The following NRP2 variants were observed in gnomAD, a reference collection of about 807,000 sequenced individuals.
The protein encoded by NRP2 is neuropilin-2.
Under a neutral mutation model 110.4 loss-of-function variants are expected in NRP2, and 52 were observed. The ratio of observed to expected loss-of-function variants is 0.47; its 90% CI spans 0.38 to 0.59. NRP2 has a LOEUF of 0.59. Ranked by LOEUF, NRP2 falls within the 20% of genes least tolerant of loss-of-function variation. The pLI is 0.00. For missense variants in NRP2, 1,049 were observed against 1,203.0 expected, an observed-to-expected ratio of 0.87 and a Z score of 1.89; for synonymous variants, 508 against 468.9, an observed-to-expected ratio of 1.08 and a Z score of -1.08.
chr2:205,777,696 A>G (rs955358019), intron 15 of NRP2: 3 of 152,178 alleles, frequency 2.0e-5, no homozygotes, highest in Admixed American at 2.0e-4. Flanking sequence ...ATATGGGGGG[A>G]AAAGGGATCA....
chr2:205,792,359 C>T (rs2058310630), intron 16 of NRP2, 74 bp downstream of exon 16: 2 of 1,083,878 alleles, frequency 1.8e-6, no homozygotes, highest in South Asian at 2.5e-5. Flanking sequence ...AAAAATAATG[C>T]TCTGGGTATC....
At position 205,740,633 on chromosome 2, in the gene NRP2, C is replaced by G; in HGVS notation, c.1261C>G (p.Arg421Gly). 6 of 1,614,214 alleles carry G rather than the reference C, an allele frequency of 3.7e-6. No individual in the cohort carries two copies. Among genetic ancestry groups the G allele is most frequent in the African/African-American group, 1.3e-5 (1 of 75,054 alleles). Residue 421 changes from arginine (R) to glycine (G), a missense_variant, in exon 8 of 17, where the codon CGG becomes GGG. By Grantham distance (125) the Arg-to-Gly change is moderately radical. Transcript: ENST00000357785. ...PQTWHSGIAL[R>G]LELFGCRVTD... ...GACCTGGCACTCAGGTATCGCCCTC[C>G]GGCTGGAGCTCTTCGGCTGCCGGGT...
intron 7 of NRP2, among the ~76,000 whole-genome samples, chr2:205,731,947 C>G (rs967321207): frequency 2.0e-5 from 3 of 152,202 alleles, no homozygotes. Flanking sequence ...AATTGAAGCT[C>G]TTAGAGATTA....
At chr2:205,773,201 T>C (rs1321047743) in intron 15 of NRP2, among the ~76,000 whole-genome samples, 1 of 152,184 alleles carries the variant, frequency 6.6e-6, no homozygotes, top group African/African-American at 2.4e-5. Flanking sequence ...ACCAGCACAC[T>C]CCACCTGCCT....
At chr2:205,770,685 C>T (rs1049634903) in intron 15 of NRP2, among the ~76,000 whole-genome samples, 1 of 152,218 alleles carries the variant, frequency 6.6e-6, no homozygotes, top group African/African-American at 2.4e-5. Flanking sequence ...ACATAACCGT[C>T]TGATGAAAGG....
chr2:205,739,617 T>A (rs2057404052), intron 7 of NRP2, among the ~76,000 whole-genome samples: 1 of 151,966 alleles, frequency 6.6e-6, no homozygotes, highest in African/African-American at 2.4e-5. Context: ...GTTGGTTAGT[T>A]GGTTTTTCCC....
At position 205,740,657 on chromosome 2, in the gene NRP2, G is replaced by A; in HGVS notation, c.1285G>A (p.Val429Ile). The A allele has an allele frequency of 1.2e-6, 2 of 1,614,138 alleles. No homozygotes were observed. Among genetic ancestry groups the A allele is most frequent in the Middle Eastern group, 1.7e-4 (1 of 6,022 alleles). Residue 429 changes from valine to isoleucine, a missense_variant, in exon 8 of 17, where the codon GTC becomes ATC. Physicochemically the swap from Val to Ile is conservative, Grantham distance 29. Transcript: ENST00000357785. ...ALRLELFGCR[V>I]TDAPCSNMLG... ...CCGGCTGGAGCTCTTCGGCTGCCGG[G>A]TCACAGGTGAGGTGGGGGCTCCAAT...
intron 1 of NRP2, among the ~76,000 whole-genome samples, chr2:205,695,998 T>C (rs982199442): frequency 4.6e-5 from 7 of 152,148 alleles, no homozygotes; most frequent in South Asian, 2.1e-4. Flanking sequence ...ATGTGCTGTG[T>C]ACCAGCCTGA....
At position 205,712,461 on chromosome 2, in the gene NRP2, G is replaced by A. The variant is rs75291492; in HGVS notation, c.252-3732G>A. Among the ~76,000 whole-genome samples the A allele has an allele frequency of 4.1e-3, 625 of 152,172 alleles. 4 individuals are homozygous for A. Among genetic ancestry groups the A allele is most frequent in the Non-Finnish European group, 7.0e-3 (479 of 68,004 alleles). On this transcript the variant is annotated intron_variant, in intron 2 of 16. Transcript: ENST00000357785. The stretch of plus-strand genomic sequence containing the variant: ...GGGGTGAGCTCTGAGTCTGTACCCC[G>A]GATTCCTTTACCAAACACTGGATAT...
chr2:205,740,795 A>C (rs2057426441), intron 8 of NRP2, 132 bp downstream of exon 8: 1 of 988,438 alleles, frequency 1.0e-6, no homozygotes. Flanking sequence ...CTCAAGTCCT[A>C]CCAGAGTTTG....
chr2:205,688,057 G>A (rs1290197542), intron 1 of NRP2, among the ~76,000 whole-genome samples: 1 of 152,150 alleles, frequency 6.6e-6, no homozygotes, highest in Non-Finnish European at 1.5e-5. Context: ...CAGGTAAAGA[G>A]GTTTCCAAAT....
intron 7 of NRP2, 63 bp from the exon 8 acceptor site, chr2:205,740,456 T>G (rs849575): frequency 0.15 from 242,319 of 1,584,902 alleles, 21,876 homozygotes; most frequent in East Asian, 0.47. Flanking sequence ...CTTCAAAGAC[T>G]GCTCAAGTGG....
Position 205,687,591 on chromosome 2 carries a change from C to A in NRP2, c.73+4228C>A, listed in dbSNP as rs557046713. On this transcript the variant is annotated intron_variant, in intron 1 of 16. Coordinates refer to ENST00000357785, the MANE Select transcript of NRP2 (RefSeq NM_003872.3). Reference sequence around the variant, plus strand: ...GCGGTGCCTGGTGGAATTGTGAATGCGCCAGTGCACATCAGGTTTGGAGTT... The same window carrying A: ...GCGGTGCCTGGTGGAATTGTGAATGAGCCAGTGCACATCAGGTTTGGAGTT... Among the ~76,000 whole-genome samples, 10 of 152,288 alleles carry A rather than the reference C, an allele frequency of 6.6e-5. No individual in the cohort carries two copies. The East Asian group carries it at 7.7e-4, about 12-fold the overall frequency.
intron 7 of NRP2, 76 bp downstream of exon 7, chr2:205,728,122 C>A: frequency 1.3e-6 from 2 of 1,547,230 alleles, no homozygotes; most frequent in Non-Finnish European, 1.8e-6. Flanking sequence ...TTTAAGCCGA[C>A]CTCCTACAGG....
rs2105858707 is a variant in NRP2 at position 205,686,401 on chromosome 2, C to T, written c.73+3038C>T. ...AGCCGCCTCGCTCTTTGCTTTTCCA[C>T]GTGAGAAAAAGAAATGTTCACGGCC... On this transcript the variant is annotated intron_variant, in intron 1 of 16. Transcript: ENST00000357785. The surrounding 1 kb of genome is among the most constrained non-coding windows in gnomAD (Gnocchi z 4.7). 6.6e-6 allele frequency among the ~76,000 whole-genome samples: 1 copy of T among 152,252 alleles called. No individual in the cohort carries two copies. The highest frequency in any genetic ancestry group is 2.1e-4 in the South Asian group (1 of 4,828).
At chr2:205,689,958 T>A (rs966835806) in intron 1 of NRP2, among the ~76,000 whole-genome samples, 1 of 152,118 alleles carries the variant, frequency 6.6e-6, no homozygotes, top group Non-Finnish European at 1.5e-5. Flanking sequence ...GGAGTCATTA[T>A]CTAATCCAGA....
intron 7 of NRP2, among the ~76,000 whole-genome samples, chr2:205,736,168 C>G (rs1306726390): frequency 6.6e-6 from 1 of 151,952 alleles, no homozygotes; most frequent in Admixed American, 6.6e-5. Context: ...GTGGTGAAAC[C>G]CTGTCTCTAC....
intron 7 of NRP2, among the ~76,000 whole-genome samples, chr2:205,729,752 C>G (rs530353931): frequency 3.9e-5 from 6 of 152,306 alleles, no homozygotes; most frequent in African/African-American, 1.4e-4. Context: ...TCATAGAATG[C>G]TGTCCTCCCT....
chr2:205,731,337 A>G (rs2057234691), intron 7 of NRP2, among the ~76,000 whole-genome samples: 1 of 152,266 alleles, frequency 6.6e-6, no homozygotes, highest in South Asian at 2.1e-4. Flanking sequence ...CATTGTTAAT[A>G]CAACAGTAGA....
Sources: allele counts gnomAD v4.1 joint callset (sites outside exome capture counted in the v4.1 genomes callset), GRCh38; gene constraint gnomAD v4.1.1; non-coding constraint Gnocchi (gnomAD v3.1); transcripts MANE v1.5; gene names NCBI Gene and HGNC (gene_info 2026-07-23, HGNC 2026-07-21).